Variants in WDTC1 observed in about 807,000 individuals in gnomAD.
WDTC1 encodes the protein WD and tetratricopeptide repeats protein 1.
WDTC1 carries 12 observed loss-of-function variants against 76.0 expected under a neutral mutation model. That is an observed-to-expected ratio of 0.16 (90% CI 0.10 to 0.26). The LOEUF is 0.26. Ranked by LOEUF, WDTC1 falls within the 10% of genes least tolerant of loss-of-function variation. The pLI is 1.00. For synonymous variants in WDTC1, 326 were observed against 350.8 expected, an observed-to-expected ratio of 0.93 and a Z score of 0.79; for missense variants, 511 against 908.8, an observed-to-expected ratio of 0.56 and a Z score of 5.63.
chr1:27,245,416 G>C (rs2011793873), intron 1 of WDTC1, among the ~76,000 whole-genome samples: 1 of 151,642 alleles, frequency 6.6e-6, no homozygotes. Flanking sequence ...CAGGCCCTCA[G>C]CATGCTTTTA....
At chr1:27,291,687 G>T (rs981888944) in intron 6 of WDTC1, among the ~76,000 whole-genome samples, 1 of 152,116 alleles carries the variant, frequency 6.6e-6, no homozygotes, top group Non-Finnish European at 1.5e-5. Context: ...TAGATGATCT[G>T]CAGAGTCTCT....
At chr1:27,243,731 A>G (rs1473178624) in intron 1 of WDTC1, among the ~76,000 whole-genome samples, 1 of 152,180 alleles carries the variant, frequency 6.6e-6, no homozygotes, top group Non-Finnish European at 1.5e-5. Context: ...AATAAATATT[A>G]TTTAATAGGA....
At chr1:27,283,535 G>C in intron 5 of WDTC1, 86 bp downstream of exon 5, 5 of 1,235,918 alleles carry the variant, frequency 4.0e-6, no homozygotes, top group Non-Finnish European at 5.8e-6. Flanking sequence ...GTTGGTATGT[G>C]TGTGTCCCAT....
intron 12 of WDTC1, among the ~76,000 whole-genome samples, chr1:27,298,398 C>T (rs2013746701): frequency 6.6e-6 from 1 of 152,116 alleles, no homozygotes; most frequent in South Asian, 2.1e-4. Context: ...AGTGCTGTGG[C>T]CCCTGGGGAA....
At chr1:27,251,802 TAG>T (rs1396275731) in intron 1 of WDTC1, among the ~76,000 whole-genome samples, 1 of 151,766 alleles carries the variant, frequency 6.6e-6, no homozygotes, top group Non-Finnish European at 1.5e-5. Flanking sequence ...ATAGTGGTGA[TAG>T]AGTAAGACCC....
rs1193618071 is a variant in WDTC1 at position 27,257,500 on chromosome 1, T to A, written c.-99-3456T>A. On this transcript the variant is annotated intron_variant, in intron 1 of 15. Transcript: ENST00000319394. ...ATATTCTTGGTGCTTGTGGGGAAAT[T>A]ACTGTTGTTGTTTGGCTTTGACCAG... Among the ~76,000 whole-genome samples, 3 of 152,156 alleles carry A rather than the reference T, an allele frequency of 2.0e-5. No homozygotes were observed. The East Asian group carries it at 5.8e-4, about 29-fold the overall frequency.
intron 1 of WDTC1, among the ~76,000 whole-genome samples, chr1:27,248,441 T>C (rs1015936761): frequency 1.3e-5 from 2 of 152,212 alleles, no homozygotes; most frequent in African/African-American, 4.8e-5. Context: ...GTTGGCCACA[T>C]GTATGTCTTC....
At chr1:27,255,828 C>T (rs758737540) in intron 1 of WDTC1, among the ~76,000 whole-genome samples, 12 of 152,138 alleles carry the variant, frequency 7.9e-5, no homozygotes, top group Admixed American at 2.0e-4. Context: ...CTCAGCCTCC[C>T]AAAGTGCTCG....
intron 3 of WDTC1, among the ~76,000 whole-genome samples, chr1:27,281,721 C>T (rs950592582): frequency 6.6e-6 from 1 of 152,088 alleles, no homozygotes; most frequent in Non-Finnish European, 1.5e-5. Context: ...TCCCGAGTAG[C>T]TTGGACTACA....
chr1:27,293,987 G>A (rs1188018177), intron 7 of WDTC1, 35 bp from the exon 8 acceptor site: 4 of 1,603,696 alleles, frequency 2.5e-6, no homozygotes, highest in Admixed American at 1.7e-5. Context: ...GGGCAGTGCT[G>A]TAACTTTAAC....
intron 6 of WDTC1, among the ~76,000 whole-genome samples, chr1:27,289,193 TG>T (rs1339491588): frequency 6.4e-5 from 9 of 140,260 alleles, no homozygotes; most frequent in East Asian, 4.4e-4. Context: ...ACGGGGCGGC[TG>T]GCCGGGCAGA....
Position 27,307,510 on chromosome 1 carries a change from CCT to C in WDTC1, c.*1133_*1134del. The C allele has an allele frequency of 6.5e-6, 1 of 153,878 alleles. No individual in the cohort carries two copies. 9.5% of individuals were successfully genotyped at this position (153,878 alleles called of 1,614,324 possible). On this transcript the variant is annotated 3_prime_UTR_variant, in exon 16 of 16. Coordinates refer to ENST00000319394, the MANE Select transcript of WDTC1 (RefSeq NM_001276252.2). This position sits in a 1 kb window ranked among gnomAD's most constrained non-coding sequence, Gnocchi z 4.1. ...TCCAGGTAGTTGGTTCATCCTTCCC[CCT>C]CTCTCCCTCCCTGCTTCCCCTTCAG...
chr1:27,303,997 A>G lies in WDTC1; in HGVS notation c.1643+202A>G, dbSNP rs1363963820. 1.3e-5 allele frequency: 8 copies of G among 631,814 alleles called. No individual in the cohort carries two copies. Among genetic ancestry groups the G allele is most frequent in the Non-Finnish European group, 2.1e-5 (8 of 379,434 alleles). 39.1% of individuals were successfully genotyped at this position (631,814 alleles called of 1,614,324 possible). On this transcript the variant is annotated intron_variant, in intron 14 of 15. Coordinates refer to ENST00000319394, the MANE Select transcript of WDTC1 (RefSeq NM_001276252.2). The surrounding 1 kb of genome is among the most constrained non-coding windows in gnomAD (Gnocchi z 4.8). ...ACCTGCCATGCCCATTTATGAGGCC[A>G]TAACAAGGACTAATAAGATAACCCA...
chr1:27,294,162 G>C (rs1353850842), intron 8 of WDTC1, 46 bp downstream of exon 8: 1 of 1,592,768 alleles, frequency 6.3e-7, no homozygotes, highest in South Asian at 1.1e-5. Flanking sequence ...GCTAGATGCT[G>C]ACTCTTTTGG....
At chr1:27,289,181 G>A (rs1165054269) in intron 6 of WDTC1, among the ~76,000 whole-genome samples, 7 of 139,010 alleles carry the variant, frequency 5.0e-5, no homozygotes, top group African/African-American at 1.4e-4. Context: ...CTCACCTCCC[G>A]GACGGGGCGG....
intron 14 of WDTC1, chr1:27,304,122 A>G (rs908272578): frequency 6.7e-6 from 2 of 300,308 alleles, no homozygotes; most frequent in African/African-American, 4.6e-5. Flanking sequence ...ATCTGCATTC[A>G]AGGAACCTCC....
At chr1:27,304,504 A>C (rs1198988347) in intron 14 of WDTC1, 2 of 154,252 alleles carry the variant, frequency 1.3e-5, no homozygotes, top group African/African-American at 4.8e-5. Context: ...GCTATTCAGG[A>C]GGTTGACATT....
rs999477744 is a variant in WDTC1, at chr1:27,263,055, C to A, written c.49-97C>A. 3.8e-6 allele frequency: 5 copies of A among 1,309,096 alleles called. No individual in the cohort carries two copies. In the African/African-American group the frequency reaches 5.9e-5, roughly 15 times the overall value. 81.1% of individuals were successfully genotyped at this position (1,309,096 alleles called of 1,614,324 possible). A position where few individuals can be genotyped will look rare whatever the true frequency, so the allele number is the denominator to read the frequency against. On this transcript the variant is annotated intron_variant, in intron 2 of 15. Transcript: ENST00000319394. ...CAGTTCCTTGTTGTCTTCTTTAGCT[C>A]CTGTGGTGCCCAGGAAAGAGCTGGA...
intron 1 of WDTC1, among the ~76,000 whole-genome samples, chr1:27,243,623 G>A (rs948070903): frequency 9.9e-5 from 15 of 152,170 alleles, no homozygotes; most frequent in African/African-American, 3.6e-4. Flanking sequence ...CTGTGCCTCA[G>A]ATCCTGCATC....
Sources: allele counts gnomAD v4.1 joint callset (sites outside exome capture counted in the v4.1 genomes callset), GRCh38; gene constraint gnomAD v4.1.1; non-coding constraint Gnocchi (gnomAD v3.1); transcripts MANE v1.5; gene names NCBI Gene and HGNC (gene_info 2026-07-23, HGNC 2026-07-21).